Variants in NCK2 observed in about 807,000 individuals in gnomAD.
NCK2 encodes the protein cytoplasmic protein NCK2.
Under a neutral mutation model 33.9 loss-of-function variants are expected in NCK2, and 16 were observed. The ratio of observed to expected loss-of-function variants is 0.47; its 90% confidence interval spans 0.32 to 0.72. The LOEUF (loss-of-function observed/expected upper bound fraction) is 0.72. Among genes scored for constraint, NCK2 ranks in the 30% least tolerant of loss-of-function variants. NCK2 has a pLI of 0.03. For missense variants in NCK2, 418 were observed against 537.3 expected (o/e 0.78, Z 2.19); for synonymous variants, 273 against 239.9 (o/e 1.14, Z -1.27).
chr2:105,769,192 T>C (rs1035602891), intron 1 of NCK2, among the ~76,000 whole-genome samples: 10 of 151,976 alleles, frequency 6.6e-5, no homozygotes, highest in Non-Finnish European at 1.5e-4. Context: ...CTTTAGGAGC[T>C]CTATGCCAGA....
At chr2:105,842,079 G>A (rs1238311326) in intron 2 of NCK2, among the ~76,000 whole-genome samples, 2 of 151,888 alleles carry the variant, frequency 1.3e-5, no homozygotes, top group Non-Finnish European at 2.9e-5. Flanking sequence ...AATAGTATTT[G>A]TGGGGGTTTT....
In NCK2 at chr2:105,790,631, C is replaced by G. The variant is rs146003890; in HGVS notation, c.-200-25799C>G. Among the ~76,000 whole-genome samples, 28 of 152,364 alleles carry G rather than the reference C, an allele frequency of 1.8e-4. No homozygotes were observed. In the East Asian group the frequency reaches 5.0e-3, roughly 27 times the overall value. ...TGACATCTTACTGCATCCCCCGCACCTGTCCTCATCTTAGGTGAAGGCATC... is the reference window on the plus strand; with the variant it reads ...TGACATCTTACTGCATCCCCCGCACGTGTCCTCATCTTAGGTGAAGGCATC... On this transcript the variant is annotated intron_variant, in intron 1 of 4. Coordinates refer to ENST00000233154, the MANE Select transcript of NCK2 (RefSeq NM_003581.5).
chr2:105,885,345 T>G (rs1224468475), intron 4 of NCK2, among the ~76,000 whole-genome samples: 2 of 152,254 alleles, frequency 1.3e-5, no homozygotes, highest in African/African-American at 2.4e-5. Flanking sequence ...CTAAGGATAA[T>G]TTAATGCACA....
At chr2:105,848,223 CA>C (rs896824105) in intron 2 of NCK2, among the ~76,000 whole-genome samples, 2 of 152,204 alleles carry the variant, frequency 1.3e-5, no homozygotes, top group Non-Finnish European at 2.9e-5. Context: ...GACCCATCTG[CA>C]AACACAGAAA....
intron 2 of NCK2, among the ~76,000 whole-genome samples, chr2:105,817,795 A>T (rs1675553961): frequency 1.3e-5 from 2 of 152,146 alleles, no homozygotes; most frequent in South Asian, 4.1e-4. Context: ...GCTGGAGAGG[A>T]TGTGGAGAAA....
At chr2:105,759,737 C>T (rs116143750) in intron 1 of NCK2, among the ~76,000 whole-genome samples, 2,257 of 152,204 alleles carry the variant, frequency 0.015, 35 homozygotes, top group Non-Finnish European at 0.017. Flanking sequence ...CTTTAGTCTC[C>T]GTAGCGCCTC....
chr2:105,844,511 C>T (rs1007680237), intron 2 of NCK2, among the ~76,000 whole-genome samples: 1 of 150,266 alleles, frequency 6.7e-6, no homozygotes, highest in African/African-American at 2.5e-5. Flanking sequence ...ATTATGAAGT[C>T]GAGTTGGAGA....
intron 3 of NCK2, among the ~76,000 whole-genome samples, chr2:105,857,760 G>A (rs1677340405): frequency 1.3e-5 from 2 of 152,176 alleles, no homozygotes; most frequent in African/African-American, 4.8e-5. Context: ...TATATTTTTT[G>A]TTTTGATCTC....
chr2:105,774,803 G>T (rs1232676262), intron 1 of NCK2, among the ~76,000 whole-genome samples: 1 of 152,044 alleles, frequency 6.6e-6, no homozygotes, highest in Non-Finnish European at 1.5e-5. Context: ...TGAGTACTGG[G>T]TATCATCTAT....
At chr2:105,838,811 AT>A (rs1187576440) in intron 2 of NCK2, among the ~76,000 whole-genome samples, 1 of 152,304 alleles carries the variant, frequency 6.6e-6, no homozygotes, top group East Asian at 1.9e-4. Context: ...CTGAGTATAT[AT>A]ATGCATGCTA....
At chr2:105,782,446 A>G (rs548498246) in intron 1 of NCK2, among the ~76,000 whole-genome samples, 2 of 152,350 alleles carry the variant, frequency 1.3e-5, no homozygotes, top group South Asian at 2.1e-4. Flanking sequence ...GAAACAGTCT[A>G]TATAATGAAC....
chr2:105,798,483 C>T (rs566907412), intron 1 of NCK2, among the ~76,000 whole-genome samples: 1 of 152,208 alleles, frequency 6.6e-6, no homozygotes, highest in South Asian at 2.1e-4. Context: ...AAACAGTGAA[C>T]CAGTTTGGGG....
At chr2:105,865,627 C>T (rs897294877) in intron 3 of NCK2, among the ~76,000 whole-genome samples, 8 of 152,152 alleles carry the variant, frequency 5.3e-5, no homozygotes, top group Non-Finnish European at 1.2e-4. Context: ...TTTCCTGGTT[C>T]CTTAATGTTG....
intron 2 of NCK2, among the ~76,000 whole-genome samples, chr2:105,851,549 A>C (rs1677069248): frequency 6.6e-6 from 1 of 151,576 alleles, no homozygotes; most frequent in Non-Finnish European, 1.5e-5. Context: ...GAGCCACCGC[A>C]CCCGGCCAGA....
At chr2:105,857,028 T>G (rs1456841717) in intron 3 of NCK2, 1 of 60,032 alleles carries the variant, frequency 1.7e-5, no homozygotes, top group Non-Finnish European at 2.9e-5. Flanking sequence ...GTTGTGTGTC[T>G]TCTTTTTTTT....
At chr2:105,787,236 A>G (rs1209518436) in intron 1 of NCK2, among the ~76,000 whole-genome samples, 1 of 152,232 alleles carries the variant, frequency 6.6e-6, no homozygotes, top group African/African-American at 2.4e-5. Flanking sequence ...GGCAGGACCC[A>G]GTCTCAGCTC....
chr2:105,756,712 T>C (rs13028719), intron 1 of NCK2, among the ~76,000 whole-genome samples: 36,172 of 152,208 alleles, frequency 0.24, 4,865 homozygotes, highest in Middle Eastern at 0.37. Context: ...ATTGATGTTA[T>C]TGAAGTCCCC....
At chr2:105,837,701 G>C (rs1003733949) in intron 2 of NCK2, among the ~76,000 whole-genome samples, 2 of 152,186 alleles carry the variant, frequency 1.3e-5, no homozygotes, top group Non-Finnish European at 2.9e-5. Context: ...TAGTGATTCT[G>C]TTTTACTTTG....
intron 3 of NCK2, among the ~76,000 whole-genome samples, chr2:105,871,898 C>T (rs1173856546): frequency 1.3e-5 from 2 of 152,180 alleles, no homozygotes; most frequent in African/African-American, 4.8e-5. Context: ...AACTACATGA[C>T]ACCTGACAAC....
Sources: gnomAD v4.1 joint callset for allele counts (sites outside exome capture counted in the v4.1 genomes callset) on GRCh38, gnomAD v4.1.1 for gene constraint, MANE v1.5 for transcripts, NCBI Gene and HGNC (gene_info 2026-07-23, HGNC 2026-07-21) for gene names.